Variants in MAP2K5 observed in about 807,000 individuals in gnomAD.
MAP2K5 encodes mitogen-activated protein kinase kinase 5.
MAP2K5 carries 49 observed loss-of-function variants against 83.1 expected under a neutral mutation model. That is an observed-to-expected ratio of 0.59 (90% CI 0.47 to 0.75). The LOEUF is 0.75. Ranked by LOEUF, MAP2K5 falls within the 30% of genes least tolerant of loss-of-function variation. MAP2K5 has a pLI of 0.00. For missense variants in MAP2K5, 457 were observed against 557.5 expected (o/e 0.82, Z 1.82); for synonymous variants, 202 against 191.8 (o/e 1.05, Z -0.44).
intron 17 of MAP2K5, among the ~76,000 whole-genome samples, chr15:67,739,574 G>A (rs1413264851): frequency 1.4e-5 from 2 of 143,534 alleles, no homozygotes; most frequent in Non-Finnish European, 3.0e-5. Flanking sequence ...TCCTCCTCCC[G>A]GGTTGAAGCA....
intron 13 of MAP2K5, among the ~76,000 whole-genome samples, chr15:67,674,157 T>C (rs548717679): frequency 2.4e-4 from 36 of 152,280 alleles, no homozygotes; most frequent in African/African-American, 7.7e-4. Context: ...CCAAACACTT[T>C]TTTAAAAGAA....
intron 3 of MAP2K5, among the ~76,000 whole-genome samples, chr15:67,570,764 A>G (rs542995542): frequency 1.3e-5 from 2 of 152,376 alleles, no homozygotes; most frequent in South Asian, 4.1e-4. Context: ...TGGACTGCAA[A>G]TAGTTGGTTA....
intron 19 of MAP2K5, among the ~76,000 whole-genome samples, chr15:67,761,362 C>T (rs1350344599): frequency 1.3e-5 from 2 of 152,140 alleles, no homozygotes; most frequent in East Asian, 1.9e-4. Flanking sequence ...TTTTATGAAA[C>T]CAACTATAGC....
In MAP2K5 at chr15:67,748,485, G is replaced by A. The variant is rs565561896; in HGVS notation, c.1102-84G>A. The A allele has an allele frequency of 1.6e-5, 18 of 1,148,016 alleles. No homozygotes were observed. The South Asian group carries it at 2.2e-4, about 14-fold the overall frequency. The allele number at this position is 1,148,016 out of a possible 1,614,324, so 71.1% of individuals were successfully genotyped here. A position where few individuals can be genotyped will look rare whatever the true frequency, so the allele number is the denominator to read the frequency against. ...TTGATTAATCTTGCTATATTTTATT[G>A]CATTAATGATTTTTTCTTTCCACTC... On this transcript the variant is annotated intron_variant, in intron 18 of 21. Transcript: ENST00000178640. The surrounding 1 kb of genome is among the most constrained non-coding windows in gnomAD (Gnocchi z 4.0).
intron 8 of MAP2K5, among the ~76,000 whole-genome samples, chr15:67,610,389 G>A (rs1423192391): frequency 6.6e-6 from 1 of 152,134 alleles, no homozygotes; most frequent in East Asian, 1.9e-4. Flanking sequence ...GGTTGTGCTA[G>A]CAGGGGTGGT....
intron 11 of MAP2K5, among the ~76,000 whole-genome samples, chr15:67,649,060 T>G (rs2086897240): frequency 6.6e-6 from 1 of 152,232 alleles, no homozygotes; most frequent in Admixed American, 6.5e-5. Context: ...CTTGTCATTT[T>G]GTGTCTTTTT....
Position 67,586,975 on chromosome 15 carries a change from G to A in MAP2K5, c.431+62G>A, listed in dbSNP as rs547034846. On this transcript the variant is annotated intron_variant, in intron 6 of 21. Coordinates refer to ENST00000178640, the MANE Select transcript of MAP2K5 (RefSeq NM_145160.3). ...TTTATCTACAGAGTTGGGGTGGGGT[G>A]GGGAAGAAGCTAGAAAGAAATTTGA... The A allele has an allele frequency of 1.8e-5, 28 of 1,552,774 alleles. No individual in the cohort carries two copies. In the East Asian group the frequency reaches 5.8e-4, roughly 32 times the overall value.
chr15:67,583,142 AG>A (rs2085217886), intron 4 of MAP2K5, among the ~76,000 whole-genome samples: 1 of 152,204 alleles, frequency 6.6e-6, no homozygotes, highest in African/African-American at 2.4e-5. Flanking sequence ...AGATTCAGAG[AG>A]GTTAAGTAAC....
intron 17 of MAP2K5, among the ~76,000 whole-genome samples, chr15:67,737,976 C>T (rs917075852): frequency 2.6e-4 from 39 of 151,136 alleles, no homozygotes; most frequent in African/African-American, 8.0e-4. Flanking sequence ...CTCAGCCTCC[C>T]GAGTAGCTGG....
intron 16 of MAP2K5, among the ~76,000 whole-genome samples, chr15:67,715,445 C>G (rs1204450771): frequency 6.6e-6 from 1 of 152,244 alleles, no homozygotes; most frequent in African/African-American, 2.4e-5. Flanking sequence ...GTGTTTCCCA[C>G]TGAATAAAGC....
At chr15:67,678,028 T>A (rs1211419663) in intron 13 of MAP2K5, among the ~76,000 whole-genome samples, 1 of 152,222 alleles carries the variant, frequency 6.6e-6, no homozygotes, top group Non-Finnish European at 1.5e-5. Context: ...GTCATTAGAA[T>A]AACTTTTATA....
At chr15:67,583,820 C>T (rs917296111) in intron 4 of MAP2K5, among the ~76,000 whole-genome samples, 1 of 152,074 alleles carries the variant, frequency 6.6e-6, no homozygotes, top group South Asian at 2.1e-4. Context: ...AGTGTGTGCT[C>T]ACTGCAGCCT....
At chr15:67,767,109 G>T (rs2141297324) in intron 19 of MAP2K5, among the ~76,000 whole-genome samples, 1 of 152,096 alleles carries the variant, frequency 6.6e-6, no homozygotes, top group East Asian at 1.9e-4. Flanking sequence ...ATTATTCATG[G>T]GTACCACCCA....
chr15:67,691,716 C>G (rs1233342258), intron 13 of MAP2K5, among the ~76,000 whole-genome samples: 1 of 152,138 alleles, frequency 6.6e-6, no homozygotes, highest in Non-Finnish European at 1.5e-5. Context: ...TGAAAAGGCT[C>G]ATTGTTGTCA....
Position 67,774,601 on chromosome 15 carries a change from A to G in MAP2K5, c.1242+1849A>G, listed in dbSNP as rs1376381014. On this transcript the variant is annotated intron_variant, in intron 21 of 21. Transcript: ENST00000178640. This position sits in a 1 kb window ranked among gnomAD's most constrained non-coding sequence, Gnocchi z 4.9. Reference sequence around the variant, plus strand: ...AACTTAAGCCACATCCTAGGGGCCCAATCTAAAGGAACCAGCCTCTTTATT... The same window carrying G: ...AACTTAAGCCACATCCTAGGGGCCCGATCTAAAGGAACCAGCCTCTTTATT... 6.6e-6 allele frequency among the ~76,000 whole-genome samples: 1 copy of G among 152,210 alleles called. No homozygotes were observed. The highest frequency in any genetic ancestry group is 1.5e-5 in the Non-Finnish European group (1 of 68,034).
At position 67,794,563 on chromosome 15, in the gene MAP2K5, C is replaced by T. The variant is rs1291649074; in HGVS notation, c.1243-12083C>T. On this transcript the variant is annotated intron_variant, in intron 21 of 21. Transcript: ENST00000178640. This position sits in a 1 kb window ranked among gnomAD's most constrained non-coding sequence, Gnocchi z 4.6. Reference sequence around the variant, plus strand: ...TTACGCTCTTCTTCCAAATTTTCCCCAGCCAGCTCCCTGCACTCCTGACCC... The same window carrying T: ...TTACGCTCTTCTTCCAAATTTTCCCTAGCCAGCTCCCTGCACTCCTGACCC... Among the ~76,000 whole-genome samples, 3 of 151,584 alleles carry T rather than the reference C, an allele frequency of 2.0e-5. No individual in the cohort carries two copies. The highest frequency in any genetic ancestry group is 4.4e-5 in the Non-Finnish European group (3 of 67,934).
At chr15:67,752,119 G>A (rs1353251180) in intron 19 of MAP2K5, among the ~76,000 whole-genome samples, 2 of 152,048 alleles carry the variant, frequency 1.3e-5, no homozygotes, top group African/African-American at 4.8e-5. Flanking sequence ...AGGCTGGAGT[G>A]GAGTGGCACA....
At chr15:67,796,106 G>A (rs968443444) in intron 21 of MAP2K5, among the ~76,000 whole-genome samples, 3 of 152,024 alleles carry the variant, frequency 2.0e-5, no homozygotes, top group Non-Finnish European at 4.4e-5. Context: ...GCATTTTGTT[G>A]TTGATGTTTT....
intron 9 of MAP2K5, 71 bp from the exon 10 acceptor site, chr15:67,646,157 GTTC>G: frequency 1.5e-6 from 1 of 649,376 alleles, no homozygotes; most frequent in Admixed American, 3.2e-5. Flanking sequence ...CATGTTTTTA[GTTC>G]TTATATTTCA....
Sources: gnomAD v4.1 joint callset for allele counts (sites outside exome capture counted in the v4.1 genomes callset) on GRCh38, gnomAD v4.1.1 for gene constraint, Gnocchi (gnomAD v3.1) non-coding constraint, MANE v1.5 for transcripts, NCBI Gene and HGNC (gene_info 2026-07-23, HGNC 2026-07-21) for gene names.